The following WWOX variants were observed in gnomAD, a reference collection of about 807,000 sequenced individuals.
The protein encoded by WWOX is WW domain containing oxidoreductase.
WWOX carries 69 observed loss-of-function variants against 46.2 expected under a neutral mutation model. That is an observed-to-expected ratio of 1.49 (90% confidence interval 1.23 to 1.82). The LOEUF (loss-of-function observed/expected upper bound fraction) is 1.82. WWOX is among the 40% of genes most tolerant of loss of function. WWOX has a pLI of 0.00. For missense variants in WWOX, 919 were observed against 542.6 expected (o/e 1.69, Z -6.89); for synonymous variants, 359 against 202.6 (o/e 1.77, Z -6.56).
intron 8 of WWOX, among the ~76,000 whole-genome samples, chr16:78,740,695 T>C (rs1302570093): frequency 1.3e-5 from 2 of 152,156 alleles, no homozygotes; most frequent in Non-Finnish European, 1.5e-5. Context: ...AGTTGGCCGA[T>C]TGAAGCGCTA....
At chr16:78,668,773 T>C (rs2142195910) in intron 8 of WWOX, among the ~76,000 whole-genome samples, 1 of 152,188 alleles carries the variant, frequency 6.6e-6, no homozygotes, top group Non-Finnish European at 1.5e-5. Context: ...AGAAAGTGCA[T>C]TCTGAACAGA....
At chr16:78,518,016 G>A (rs1326295256) in intron 8 of WWOX, among the ~76,000 whole-genome samples, 1 of 151,730 alleles carries the variant, frequency 6.6e-6, no homozygotes, top group African/African-American at 2.4e-5. Flanking sequence ...TTGTATTCCA[G>A]CCCCCACCTT....
chr16:78,546,122 C>T (rs73581010), intron 8 of WWOX, among the ~76,000 whole-genome samples: 20 of 152,202 alleles, frequency 1.3e-4, no homozygotes, highest in Non-Finnish European at 1.9e-4. Context: ...AGAAGAAAGA[C>T]GGTCTTTAAA....
At chr16:79,094,504 G>T (rs1275275746) in intron 8 of WWOX, among the ~76,000 whole-genome samples, 1 of 152,006 alleles carries the variant, frequency 6.6e-6, no homozygotes, top group African/African-American at 2.4e-5. Flanking sequence ...TGCCCACCTC[G>T]GCCTCCCAAA....
intron 8 of WWOX, among the ~76,000 whole-genome samples, chr16:78,954,609 A>G (rs563176786): frequency 1.3e-5 from 2 of 152,300 alleles, no homozygotes; most frequent in East Asian, 3.9e-4. Context: ...CAGACACATA[A>G]ATAAGAACAA....
At chr16:78,594,615 C>G (rs186437818) in intron 8 of WWOX, among the ~76,000 whole-genome samples, 1 of 152,152 alleles carries the variant, frequency 6.6e-6, no homozygotes, top group East Asian at 1.9e-4. Context: ...CTGGTTGTTT[C>G]CAGAAAGGGA....
rs369382575 is a variant in WWOX at position 78,841,657 on chromosome 16, G to T, written c.1057-369951G>T. ...GCGAATTTTTTGTCTTATGTTTCTT[G>T]AATCCAAACCTATAAGTAGGTGCAA... On this transcript the variant is annotated intron_variant, in intron 8 of 8. Coordinates refer to ENST00000566780, the MANE Select transcript of WWOX (RefSeq NM_016373.4). 1.8e-4 allele frequency among the ~76,000 whole-genome samples: 28 copies of T among 152,192 alleles called. No homozygotes were observed. In the East Asian group the frequency reaches 2.5e-3, roughly 14 times the overall value.
At chr16:78,652,805 T>C (rs1433790016) in intron 8 of WWOX, among the ~76,000 whole-genome samples, 1 of 152,200 alleles carries the variant, frequency 6.6e-6, no homozygotes, top group Non-Finnish European at 1.5e-5. Context: ...ACTGTGAATT[T>C]ATTCATCTTC....
chr16:79,178,399 T>C (rs1374858988), intron 8 of WWOX, among the ~76,000 whole-genome samples: 1 of 152,028 alleles, frequency 6.6e-6, no homozygotes, highest in Admixed American at 6.6e-5. Flanking sequence ...TCACTACAGC[T>C]TCAACCTCCT....
chr16:79,012,376 G>GCA (rs2047328167), intron 8 of WWOX, among the ~76,000 whole-genome samples: 1 of 152,090 alleles, frequency 6.6e-6, no homozygotes, highest in Admixed American at 6.5e-5. Context: ...GAGATTACAG[G>GCA]TGTCTGCCAC....
chr16:78,676,477 C>G (rs1249159619), intron 8 of WWOX, among the ~76,000 whole-genome samples: 2 of 151,968 alleles, frequency 1.3e-5, no homozygotes, highest in East Asian at 3.9e-4. Context: ...GCTCCCCACC[C>G]CCACCTTTGG....
intron 8 of WWOX, among the ~76,000 whole-genome samples, chr16:79,054,750 C>G (rs535271539): frequency 1.7e-3 from 255 of 152,206 alleles, no homozygotes; most frequent in Non-Finnish European, 3.1e-3. Context: ...TGTTTGAGCC[C>G]AGGAGGTGGA....
chr16:78,231,087 C>T (rs924941404), intron 5 of WWOX, among the ~76,000 whole-genome samples: 2 of 152,222 alleles, frequency 1.3e-5, no homozygotes, highest in African/African-American at 4.8e-5. Context: ...ATTTATGATT[C>T]TGGCAGCTTG....
chr16:78,658,482 C>T (rs2047131710), intron 8 of WWOX, among the ~76,000 whole-genome samples: 3 of 152,150 alleles, frequency 2.0e-5, no homozygotes, highest in African/African-American at 7.2e-5. Context: ...GAGATTTATT[C>T]TCTCACAGTT....
intron 8 of WWOX, among the ~76,000 whole-genome samples, chr16:79,088,672 C>T (rs907525465): frequency 3.3e-5 from 5 of 152,176 alleles, no homozygotes; most frequent in African/African-American, 1.2e-4. Context: ...GGGGCTCCTT[C>T]TGTGGGTACA....
chr16:78,471,830 A>C (rs1449037940), intron 8 of WWOX, among the ~76,000 whole-genome samples: 9 of 152,200 alleles, frequency 5.9e-5, no homozygotes, highest in Non-Finnish European at 8.8e-5. Flanking sequence ...AAGTAGATTT[A>C]TGTACACATT....
At chr16:78,519,757 A>G (rs527559902) in intron 8 of WWOX, among the ~76,000 whole-genome samples, 3 of 152,094 alleles carry the variant, frequency 2.0e-5, no homozygotes, top group Admixed American at 6.5e-5. Context: ...GGAGCCCACA[A>G]GCAGGTGCCA....
intron 8 of WWOX, among the ~76,000 whole-genome samples, chr16:78,842,008 C>G (rs2052164275): frequency 6.6e-6 from 1 of 152,144 alleles, no homozygotes; most frequent in East Asian, 1.9e-4. Context: ...ATAAGAGACA[C>G]ACTATAAAGG....
At chr16:78,379,809 A>G (rs1435704567) in intron 5 of WWOX, among the ~76,000 whole-genome samples, 1 of 152,166 alleles carries the variant, frequency 6.6e-6, no homozygotes, top group South Asian at 2.1e-4. Context: ...ACTAGGTTTG[A>G]TCACTGGAAT....
Sources: allele counts gnomAD v4.1 joint callset (sites outside exome capture counted in the v4.1 genomes callset), GRCh38; gene constraint gnomAD v4.1.1; transcripts MANE v1.5; gene names NCBI Gene and HGNC (gene_info 2026-07-23, HGNC 2026-07-21).